Variants in CDK8 observed in about 807,000 individuals in gnomAD.
CDK8 encodes cyclin dependent kinase 8.
A neutral mutation model predicts 71.5 loss-of-function variants in CDK8; 29 were observed. The ratio of observed to expected loss-of-function variants is 0.41; its 90% confidence interval spans 0.30 to 0.55. The LOEUF (loss-of-function observed/expected upper bound fraction) is 0.55, where lower values mean the gene tolerates loss of function less well. Ranked by LOEUF, CDK8 falls within the 20% of genes least tolerant of loss-of-function variation. The probability of loss-of-function intolerance (pLI) is 0.37; values close to 1 mark genes in which losing one functional copy is unlikely to be tolerated. For missense variants in CDK8, 288 were observed against 572.6 expected, an observed-to-expected ratio of 0.50 and a Z score of 5.07; for synonymous variants, 161 against 192.1, an observed-to-expected ratio of 0.84 and a Z score of 1.34.
chr13:26,364,925 T>C (rs1480716771), intron 4 of CDK8, among the ~76,000 whole-genome samples: 1 of 152,166 alleles, frequency 6.6e-6, no homozygotes, highest in Non-Finnish European at 1.5e-5. Context: ...ATTCTAGACA[T>C]CTGTTGCCAC....
At chr13:26,354,633 A>G (rs563408431) in intron 4 of CDK8, among the ~76,000 whole-genome samples, 1 of 152,228 alleles carries the variant, frequency 6.6e-6, no homozygotes, top group East Asian at 1.9e-4. Flanking sequence ...CCAGAACCCT[A>G]TTGTGAACTG....
At chr13:26,390,532 G>A (rs1358146626) in intron 6 of CDK8, among the ~76,000 whole-genome samples, 1 of 152,032 alleles carries the variant, frequency 6.6e-6, no homozygotes, top group Non-Finnish European at 1.5e-5. Context: ...ATTTTTGTTT[G>A]TCTGATTTAC....
rs139582272 is a variant in CDK8, at chr13:26,324,391, G to C, written c.129-13176G>C. On this transcript the variant is annotated intron_variant, in intron 1 of 12. Transcript: ENST00000381527. ...ACTATATTACTAAAAAGATAGAAAT[G>C]TTAGAAAGTCGATTAAGGAGACAAA... 2.4e-4 allele frequency among the ~76,000 whole-genome samples: 36 copies of C among 152,222 alleles called. 1 individual carries two copies. In the East Asian group the frequency reaches 6.9e-3, roughly 29 times the overall value.
intron 1 of CDK8, among the ~76,000 whole-genome samples, chr13:26,295,528 A>G (rs1352672158): frequency 6.6e-6 from 1 of 152,158 alleles, no homozygotes; most frequent in Non-Finnish European, 1.5e-5. Context: ...GTTTTAAATG[A>G]GTCTTGCAGA....
intron 8 of CDK8, among the ~76,000 whole-genome samples, chr13:26,396,897 G>GA (rs34124632): frequency 4.1e-4 from 61 of 150,384 alleles, no homozygotes; most frequent in Admixed American, 1.5e-3. Flanking sequence ...TAATTCATGT[G>GA]AAAAAAAAAG....
intron 1 of CDK8, among the ~76,000 whole-genome samples, chr13:26,335,750 A>G (rs539202927): frequency 2.0e-5 from 3 of 152,048 alleles, no homozygotes; most frequent in Non-Finnish European, 4.4e-5. Flanking sequence ...TCTGTTCTCT[A>G]TAGTAACCAC....
chr13:26,259,598 A>G (rs1389877204), intron 1 of CDK8, among the ~76,000 whole-genome samples: 2 of 152,104 alleles, frequency 1.3e-5, no homozygotes, highest in Non-Finnish European at 2.9e-5. Flanking sequence ...TCTTATTTCC[A>G]TGTGGTTGAA....
Position 26,360,483 on chromosome 13 carries a change from ACT to A in CDK8, c.456+6610_456+6611del, listed in dbSNP as rs527641281. On this transcript the variant is annotated intron_variant, in intron 4 of 12. Transcript: ENST00000381527. The stretch of plus-strand genomic sequence containing the variant: ...CTTCATCTTCATAGCTCGAAATTAA[ACT>A]CTCTCTAGTCACCCTAGCTGAAAAT... 4.0e-3 allele frequency among the ~76,000 whole-genome samples: 614 copies of A among 152,048 alleles called. 5 individuals are homozygous for A. The highest frequency in any genetic ancestry group is 0.014 in the African/African-American group (564 of 41,452).
intron 3 of CDK8, among the ~76,000 whole-genome samples, chr13:26,351,045 A>G (rs920053474): frequency 2.6e-5 from 4 of 152,138 alleles, no homozygotes; most frequent in African/African-American, 9.6e-5. Context: ...ATTTTGAAAC[A>G]TAGTAACAAA....
chr13:26,387,781 C>T (rs1875550492), intron 6 of CDK8, among the ~76,000 whole-genome samples: 3 of 152,142 alleles, frequency 2.0e-5, no homozygotes, highest in Non-Finnish European at 4.4e-5. Flanking sequence ...TCATTCAGAC[C>T]TTAGTGAAAA....
At chr13:26,273,269 T>G (rs1002534876) in intron 1 of CDK8, among the ~76,000 whole-genome samples, 10 of 152,222 alleles carry the variant, frequency 6.6e-5, no homozygotes, top group Non-Finnish European at 1.3e-4. Context: ...GGTACTACAC[T>G]GTCTTCATTG....
intron 1 of CDK8, among the ~76,000 whole-genome samples, chr13:26,273,343 G>A (rs949914407): frequency 8.6e-5 from 13 of 151,964 alleles, no homozygotes; most frequent in African/African-American, 3.1e-4. Flanking sequence ...AGATTGTTTT[G>A]ACTTTTTTGT....
rs138198570 is a variant in CDK8 at position 26,280,689 on chromosome 13, T to C, written c.128+25920T>C. Among the ~76,000 whole-genome samples, 5 of 152,380 alleles carry C rather than the reference T, an allele frequency of 3.3e-5. No homozygotes were observed. In the East Asian group the frequency reaches 9.6e-4, roughly 29 times the overall value. The stretch of plus-strand genomic sequence containing the variant: ...GTTGTCTACCTTTTCCTTATTGATA[T>C]GCGAGATTTCCTGTCTTGTTGAATA... On this transcript the variant is annotated intron_variant, in intron 1 of 12. Coordinates refer to ENST00000381527, the MANE Select transcript of CDK8 (RefSeq NM_001260.3).
intron 1 of CDK8, among the ~76,000 whole-genome samples, chr13:26,323,126 T>G (rs1268557593): frequency 6.6e-6 from 1 of 152,180 alleles, no homozygotes; most frequent in Non-Finnish European, 1.5e-5. Flanking sequence ...CATTCCTTCA[T>G]CTCTGTCTTA....
chr13:26,262,431 T>C (rs572247511), intron 1 of CDK8, among the ~76,000 whole-genome samples: 2 of 152,336 alleles, frequency 1.3e-5, no homozygotes, highest in Admixed American at 1.3e-4. Context: ...TTGAAAATCT[T>C]TTTTCTAAAC....
chr13:26,339,587 CTAAT>C (rs1455794492), intron 2 of CDK8, among the ~76,000 whole-genome samples: 1 of 146,552 alleles, frequency 6.8e-6, no homozygotes, highest in Non-Finnish European at 1.5e-5. Context: ...TTTACATCAG[CTAAT>C]TAGTTTTTTT....
At position 26,291,445 on chromosome 13, in the gene CDK8, A is replaced by G. The variant is rs115026045; in HGVS notation, c.128+36676A>G. Among the ~76,000 whole-genome samples, 1,214 of 152,316 alleles carry G rather than the reference A, an allele frequency of 8.0e-3. 26 individuals are homozygous for G. The highest frequency in any genetic ancestry group is 0.026 in the African/African-American group (1,092 of 41,574). ...GTAGAATTCTGAAATTGGGAGCCAT[A>G]TGAATGAGAATTTGAATAGGAACAA... On this transcript the variant is annotated intron_variant, in intron 1 of 12. Transcript: ENST00000381527.
intron 1 of CDK8, among the ~76,000 whole-genome samples, chr13:26,294,285 C>A (rs536477898): frequency 6.6e-6 from 1 of 151,856 alleles, no homozygotes; most frequent in Non-Finnish European, 1.5e-5. Context: ...CATGAGCCAC[C>A]ATGCCCTGCT....
intron 6 of CDK8, among the ~76,000 whole-genome samples, chr13:26,391,507 A>G (rs1875745460): frequency 6.6e-6 from 1 of 152,156 alleles, no homozygotes; most frequent in African/African-American, 2.4e-5. Flanking sequence ...AACCAGATGA[A>G]TTGTTACAGT....
Sources: gnomAD v4.1 joint callset for allele counts (sites outside exome capture counted in the v4.1 genomes callset) on GRCh38, gnomAD v4.1.1 for gene constraint, MANE v1.5 for transcripts, NCBI Gene and HGNC (gene_info 2026-07-23, HGNC 2026-07-21) for gene names.